GALNTL6: variants seen among roughly 807,000 people sequenced by gnomAD.
GALNTL6 encodes polypeptide N-acetylgalactosaminyltransferase like 6.
GALNTL6 carries 46 observed loss-of-function variants against 73.7 expected under a neutral mutation model. The ratio of observed to expected loss-of-function variants is 0.62; its 90% CI spans 0.49 to 0.80. GALNTL6 has a LOEUF of 0.80. Ranked by LOEUF, GALNTL6 falls within the 30% of genes least tolerant of loss-of-function variation. GALNTL6 has a pLI of 0.00. For synonymous variants in GALNTL6, 259 were observed against 263.7 expected, an observed-to-expected ratio of 0.98 and a Z score of 0.17; for missense variants, 604 against 755.0, an observed-to-expected ratio of 0.80 and a Z score of 2.34.
chr4:172,207,486 C>T (rs905041360), intron 2 of GALNTL6, among the ~76,000 whole-genome samples: 2 of 152,098 alleles, frequency 1.3e-5, no homozygotes, highest in Non-Finnish European at 2.9e-5. Context: ...TGTTTTGACA[C>T]GTTAAGTTTC....
intron 5 of GALNTL6, among the ~76,000 whole-genome samples, chr4:172,391,267 CG>C (rs1405557209): frequency 3.3e-5 from 5 of 152,170 alleles, no homozygotes; most frequent in Non-Finnish European, 7.4e-5. Context: ...AGGAGAGGAA[CG>C]CTGTGTCCTC....
At chr4:172,102,972 C>G (rs1479525857) in intron 2 of GALNTL6, among the ~76,000 whole-genome samples, 1 of 152,184 alleles carries the variant, frequency 6.6e-6, no homozygotes, top group Non-Finnish European at 1.5e-5. Context: ...AAGTTTCTCT[C>G]TCTTCAGCAG....
intron 2 of GALNTL6, among the ~76,000 whole-genome samples, chr4:172,086,644 C>A (rs1732042641): frequency 6.6e-6 from 1 of 152,062 alleles, no homozygotes; most frequent in Non-Finnish European, 1.5e-5. Flanking sequence ...CTGTGATTGG[C>A]CACTTTCATA....
intron 5 of GALNTL6, among the ~76,000 whole-genome samples, chr4:172,467,121 T>C (rs570240606): frequency 6.6e-6 from 1 of 152,158 alleles, no homozygotes; most frequent in South Asian, 2.1e-4. Context: ...ATGAAAAAGA[T>C]TATTTGTAAG....
chr4:172,324,539 A>G (rs1740878855), intron 4 of GALNTL6, among the ~76,000 whole-genome samples: 1 of 151,448 alleles, frequency 6.6e-6, no homozygotes, highest in African/African-American at 2.4e-5. Context: ...TTAAGTCGGA[A>G]TATAGGAGAT....
At chr4:172,206,105 AAG>A (rs1258676345) in intron 2 of GALNTL6, among the ~76,000 whole-genome samples, 1 of 152,160 alleles carries the variant, frequency 6.6e-6, no homozygotes, top group Non-Finnish European at 1.5e-5. Flanking sequence ...GATCTAAACA[AAG>A]AGAATAAAAT....
chr4:172,755,209 A>G (rs1383624224), intron 5 of GALNTL6, among the ~76,000 whole-genome samples: 1 of 151,810 alleles, frequency 6.6e-6, no homozygotes, highest in East Asian at 1.9e-4. Flanking sequence ...CTTAGAAGCC[A>G]TAAGATAAGA....
chr4:172,340,781 A>G (rs958283918), intron 4 of GALNTL6, among the ~76,000 whole-genome samples: 4 of 152,176 alleles, frequency 2.6e-5, no homozygotes, highest in Non-Finnish European at 5.9e-5. Context: ...CTCCATAAGC[A>G]TTAGTTTTTA....
chr4:172,483,677 T>G (rs1733573130), intron 5 of GALNTL6, among the ~76,000 whole-genome samples: 1 of 152,078 alleles, frequency 6.6e-6, no homozygotes, highest in Non-Finnish European at 1.5e-5. Flanking sequence ...AAGTCTTGAG[T>G]GAAATGACGG....
intron 2 of GALNTL6, among the ~76,000 whole-genome samples, chr4:172,193,814 G>T (rs1735660973): frequency 6.6e-6 from 1 of 152,124 alleles, no homozygotes; most frequent in Non-Finnish European, 1.5e-5. Context: ...AGTGAGCTGA[G>T]ATCGGGCCAC....
rs1003127598 is a variant in GALNTL6, at chr4:172,936,581, G to C, written c.1149+5313G>C. Among the ~76,000 whole-genome samples, 6 of 152,126 alleles carry C rather than the reference G, an allele frequency of 3.9e-5. No homozygotes were observed. In the East Asian group the frequency reaches 9.6e-4, roughly 24 times the overall value. ...ATAGGAAACTTTAGCAAAGTCTCAG[G>C]ATACAAAATCTATGTGCAAAAATCA... is the stretch of plus-strand genomic sequence containing the variant. On this transcript the variant is annotated intron_variant, in intron 9 of 12. Transcript: ENST00000506823.
rs368690733 is a variant in GALNTL6, at chr4:171,816,709, G to A, written c.138+1991G>A. Among the ~76,000 whole-genome samples, 21 of 151,908 alleles carry A rather than the reference G, an allele frequency of 1.4e-4. No individual in the cohort carries two copies. The East Asian group carries it at 2.1e-3, about 15-fold the overall frequency. On this transcript the variant is annotated intron_variant, in intron 2 of 12. Coordinates refer to ENST00000506823, the MANE Select transcript of GALNTL6 (RefSeq NM_001034845.3). ...TAGATTAAAAAATAAAATTTAAAAGGTAAAAATTAATTGATTACTTAATGA... is the reference window on the plus strand; with the variant it reads ...TAGATTAAAAAATAAAATTTAAAAGATAAAAATTAATTGATTACTTAATGA...
intron 5 of GALNTL6, among the ~76,000 whole-genome samples, chr4:172,578,376 C>A (rs1207067400): frequency 2.0e-4 from 30 of 152,132 alleles, no homozygotes; most frequent in Admixed American, 2.0e-3. Flanking sequence ...TCAGCTTAGG[C>A]TTTTTGTCTT....
At chr4:172,959,649 G>A (rs1166125831) in intron 10 of GALNTL6, among the ~76,000 whole-genome samples, 1 of 152,076 alleles carries the variant, frequency 6.6e-6, no homozygotes. Context: ...GCTAAGCTGA[G>A]AAGATCTGGG....
intron 2 of GALNTL6, among the ~76,000 whole-genome samples, chr4:171,930,772 T>C (rs1480127815): frequency 2.6e-5 from 4 of 152,100 alleles, no homozygotes; most frequent in Admixed American, 6.6e-5. Flanking sequence ...GAGGCAGAGG[T>C]TGCAGTGAGC....
intron 5 of GALNTL6, among the ~76,000 whole-genome samples, chr4:172,709,080 G>A (rs1045493326): frequency 6.6e-6 from 1 of 152,044 alleles, no homozygotes; most frequent in African/African-American, 2.4e-5. Context: ...TTTTACCCTG[G>A]GTGATTTCAT....
intron 7 of GALNTL6, among the ~76,000 whole-genome samples, chr4:172,838,044 G>T (rs954997301): frequency 2.6e-5 from 4 of 151,918 alleles, no homozygotes; most frequent in Non-Finnish European, 5.9e-5. Context: ...TCCAAAACAG[G>T]AACTTAATGT....
chr4:172,931,368 T>C lies in GALNTL6; in HGVS notation c.1149+100T>C, dbSNP rs187893796. 4.9e-5 allele frequency: 37 copies of C among 752,460 alleles called. No individual in the cohort carries two copies. In the Admixed American group the frequency reaches 5.3e-4, roughly 11 times the overall value. 46.6% of individuals were successfully genotyped at this position (752,460 alleles called of 1,614,324 possible). ...GCACAGTCTGAGAAAAGCTCTCCAG[T>C]GTACAGAGAGCTCCTGTGCTTCTCA... On this transcript the variant is annotated intron_variant, in intron 9 of 12. Coordinates refer to ENST00000506823, the MANE Select transcript of GALNTL6 (RefSeq NM_001034845.3).
At chr4:171,960,856 A>C (rs1003162091) in intron 2 of GALNTL6, among the ~76,000 whole-genome samples, 14 of 151,960 alleles carry the variant, frequency 9.2e-5, no homozygotes, top group Admixed American at 2.6e-4. Flanking sequence ...GGTGGTGTGA[A>C]TCTAGTTGCT....
Sources: gnomAD v4.1 joint callset for allele counts (sites outside exome capture counted in the v4.1 genomes callset) on GRCh38, gnomAD v4.1.1 for gene constraint, MANE v1.5 for transcripts, NCBI Gene and HGNC (gene_info 2026-07-23, HGNC 2026-07-21) for gene names.